The following CACNA1B variants were observed in gnomAD, a reference collection of about 807,000 sequenced individuals.
The protein encoded by CACNA1B is calcium voltage-gated channel subunit alpha1 B, also known as voltage-dependent N-type calcium channel subunit alpha-1B.
A neutral mutation model predicts 247.2 loss-of-function variants in CACNA1B; 70 were observed. The ratio of observed to expected loss-of-function variants is 0.28; its 90% CI spans 0.23 to 0.35. The LOEUF is 0.35. Among genes scored for constraint, CACNA1B ranks in the 10% least tolerant of loss-of-function variants. The pLI is 1.00. For synonymous variants in CACNA1B, 1,231 were observed against 1,294.4 expected (o/e 0.95, Z 1.05); for missense variants, 2,367 against 3,197.4 (o/e 0.74, Z 6.26).
rs1408942787 is a variant in CACNA1B at position 138,012,481 on chromosome 9, C to A, written c.2161-648C>A. On this transcript the variant is annotated intron_variant, in intron 17 of 46. Transcript: ENST00000371372. The surrounding 1 kb of genome is among the most constrained non-coding windows in gnomAD (Gnocchi z 4.2). ...GCTGAAGGCCAGGCATGGTAGCTAA[C>A]ACCTGTACTCCCAGCACTTTGGGAG... Among the ~76,000 whole-genome samples, 1 of 152,100 alleles carries A rather than the reference C, an allele frequency of 6.6e-6. No homozygotes were observed. Among genetic ancestry groups the A allele is most frequent in the Non-Finnish European group, 1.5e-5 (1 of 68,030 alleles).
At chr9:138,095,580 A>G (rs568180493) in intron 36 of CACNA1B, among the ~76,000 whole-genome samples, 2 of 152,388 alleles carry the variant, frequency 1.3e-5, no homozygotes, top group East Asian at 1.9e-4. Flanking sequence ...AAAATGAAGC[A>G]TAGAATTACC....
intron 39 of CACNA1B, among the ~76,000 whole-genome samples, chr9:138,109,764 A>G (rs1961558603): frequency 6.6e-6 from 1 of 152,236 alleles, no homozygotes; most frequent in Non-Finnish European, 1.5e-5. Flanking sequence ...ATCTAAAATT[A>G]TGAAACCTGT....
chr9:138,069,963 G>A (rs1323471511), intron 32 of CACNA1B, among the ~76,000 whole-genome samples, 200 bp downstream of exon 32: 2 of 152,200 alleles, frequency 1.3e-5, no homozygotes, highest in Admixed American at 1.3e-4. Flanking sequence ...GGCCCTCCTG[G>A]CAGCGATTTG....
chr9:138,040,409 TAGTC>T (rs938921230), intron 20 of CACNA1B: 16 of 154,406 alleles, frequency 1.0e-4, no homozygotes, highest in Admixed American at 5.9e-4. Context: ...TCCTTTGTAT[TAGTC>T]AGGGTTCTCT....
intron 15 of CACNA1B, among the ~76,000 whole-genome samples, chr9:137,996,490 A>G (rs867893649): frequency 6.6e-6 from 1 of 152,166 alleles, no homozygotes; most frequent in African/African-American, 2.4e-5. Flanking sequence ...GAATGATACA[A>G]TGGACTTTAG....
chr9:138,053,387 C>G (rs1055894602), intron 25 of CACNA1B, among the ~76,000 whole-genome samples: 1 of 152,172 alleles, frequency 6.6e-6, no homozygotes, highest in Admixed American at 6.5e-5. Context: ...AGGAAGCTGG[C>G]GGTGGAGCCT....
chr9:137,894,920 A>G (rs1174082909), intron 3 of CACNA1B, among the ~76,000 whole-genome samples: 2 of 152,288 alleles, frequency 1.3e-5, no homozygotes, highest in East Asian at 1.9e-4. Flanking sequence ...TTTTGTGGAT[A>G]AGGCTTGTGG....
chr9:138,122,362 G>T lies in CACNA1B; in HGVS notation c.*363G>T. Reference sequence around the variant, plus strand: ...GCCGTTGTGAGGAGCTCTGCGTCCTGTGGGGAGCACCCTTCACGTGGCCGT... The same window carrying T: ...GCCGTTGTGAGGAGCTCTGCGTCCTTTGGGGAGCACCCTTCACGTGGCCGT... On this transcript the variant is annotated 3_prime_UTR_variant, in exon 47 of 47. Coordinates refer to ENST00000371372, the MANE Select transcript of CACNA1B (RefSeq NM_000718.4). 2 of 285,046 alleles carry T rather than the reference G, an allele frequency of 7.0e-6. No homozygotes were observed. Among genetic ancestry groups the T allele is most frequent in the South Asian group, 6.8e-5 (1 of 14,730 alleles). The allele number at this position is 285,046 out of a possible 1,614,324, so 17.7% of individuals were successfully genotyped here.
intron 16 of CACNA1B, among the ~76,000 whole-genome samples, chr9:138,008,506 C>T (rs1157823135): frequency 3.9e-5 from 6 of 152,220 alleles, no homozygotes; most frequent in Admixed American, 1.3e-4. Context: ...TGGAGCTCTG[C>T]GTGGACTCAC....
chr9:137,938,915 A>C (rs1180722474), intron 6 of CACNA1B, among the ~76,000 whole-genome samples: 1 of 152,144 alleles, frequency 6.6e-6, no homozygotes, highest in African/African-American at 2.4e-5. Flanking sequence ...TCTACTAAAA[A>C]TACAAAATAG....
At position 138,023,215 on chromosome 9, in the gene CACNA1B, C is replaced by A. The variant is rs765769256; in HGVS notation, c.2472C>A (p.Asp824Glu). ...CGCTGGTGGTGGAGCTGGGCCGCGA[C>A]GGCGCGCGGGGGCCCGTGGGAGGCA... is the stretch of plus-strand genomic sequence containing the variant. ...DRPLVVELGR[D>E]GARGPVGGKA... The change falls in exon 19 of 47, where the codon GAC (aspartate) becomes GAA (glutamate). Residue 824 changes from aspartate to glutamate, a missense_variant. Around this residue, in one of 12 missense-constraint regions of CACNA1B, gnomAD observed 631 missense variants for 631.1 expected, o/e 1.00. Transcript: ENST00000371372. 2 of 1,511,952 alleles carry A rather than the reference C, an allele frequency of 1.3e-6. No homozygotes were observed. Among genetic ancestry groups the A allele is most frequent in the South Asian group, 2.5e-5 (2 of 80,350 alleles). 93.7% of individuals were successfully genotyped at this position (1,511,952 alleles called of 1,614,324 possible).
rs768227940 is a variant in CACNA1B, at chr9:138,121,002, C to T, written c.6489+121C>T. ...GCTGCCCTTTGTCATTCCCAGCAAC[C>T]CAAGGGCCGGGCGCTCCCCTCTGTG... On this transcript the variant is annotated intron_variant, in intron 46 of 46. Transcript: ENST00000371372. The surrounding 1 kb of genome is among the most constrained non-coding windows in gnomAD (Gnocchi z 6.8). The T allele has an allele frequency of 2.1e-5, 25 of 1,217,036 alleles. No individual in the cohort carries two copies. Among genetic ancestry groups the T allele is most frequent in the Non-Finnish European group, 2.8e-5 (25 of 887,280 alleles). 75.4% of individuals were successfully genotyped at this position (1,217,036 alleles called of 1,614,324 possible). A position where few individuals can be genotyped will look rare whatever the true frequency, so the allele number is the denominator to read the frequency against.
Position 137,879,265 on chromosome 9 carries a change from G to A in CACNA1B, c.390+106G>A, listed in dbSNP as rs1349405926. Reference sequence around the variant, plus strand: ...AGCTTCCTCGGGCAGGGTCGTCTGGGCAGTGCCCCTCGCGTCTGAAGGAAA... The same window carrying A: ...AGCTTCCTCGGGCAGGGTCGTCTGGACAGTGCCCCTCGCGTCTGAAGGAAA... On this transcript the variant is annotated intron_variant, in intron 2 of 46. Transcript: ENST00000371372. 4 of 717,050 alleles carry A rather than the reference G, an allele frequency of 5.6e-6. No individual in the cohort carries two copies. In the Admixed American group the frequency reaches 9.2e-5, roughly 17 times the overall value. The allele number at this position is 717,050 out of a possible 1,614,324, so 44.4% of individuals were successfully genotyped here.
chr9:137,911,600 G>A (rs1213938169), intron 3 of CACNA1B, among the ~76,000 whole-genome samples: 2 of 151,680 alleles, frequency 1.3e-5, no homozygotes, highest in African/African-American at 2.4e-5. Flanking sequence ...ATTTTTTTTT[G>A]TAGAGACGGG....
At chr9:137,929,601 T>C (rs774764972) in intron 6 of CACNA1B, among the ~76,000 whole-genome samples, 1 of 152,152 alleles carries the variant, frequency 6.6e-6, no homozygotes, top group African/African-American at 2.4e-5. Context: ...TTTCACCATC[T>C]TAGTGGGCAT....
At chr9:138,074,162 A>G in intron 34 of CACNA1B, 96 bp downstream of exon 34, 1 of 890,818 alleles carries the variant, frequency 1.1e-6, no homozygotes. Flanking sequence ...CGTCATAATC[A>G]GTTGATCCTT....
At chr9:138,089,138 A>G (rs1446266926) in intron 36 of CACNA1B, among the ~76,000 whole-genome samples, 1 of 152,130 alleles carries the variant, frequency 6.6e-6, no homozygotes, top group African/African-American at 2.4e-5. Flanking sequence ...GACTAGCATT[A>G]CCCTAATATA....
At chr9:138,062,416 G>A (rs190960887) in intron 31 of CACNA1B, among the ~76,000 whole-genome samples, 58 of 152,308 alleles carry the variant, frequency 3.8e-4, no homozygotes, top group Admixed American at 2.9e-3. Flanking sequence ...ACAGAGGTGC[G>A]TGTCATGGGG....
chr9:138,006,911 G>T, intron 16 of CACNA1B, 27 bp downstream of exon 16: 1 of 1,276,784 alleles, frequency 7.8e-7, no homozygotes, highest in South Asian at 1.2e-5. Context: ...CTGGGGCAGA[G>T]GGTGGTCAGT....
Sources: gnomAD v4.1 joint callset for allele counts (sites outside exome capture counted in the v4.1 genomes callset) on GRCh38, gnomAD v4.1.1 for gene constraint, gnomAD v4.1.1 regional missense constraint, Gnocchi (gnomAD v3.1) non-coding constraint, MANE v1.5 for transcripts, NCBI Gene and HGNC (gene_info 2026-07-23, HGNC 2026-07-21) for gene names.